Variants in VOPP1 observed in about 807,000 individuals in gnomAD.
VOPP1 encodes the protein WW domain binding protein VOPP1.
A neutral mutation model predicts 23.5 loss-of-function variants in VOPP1; 8 were observed. The ratio of observed to expected loss-of-function variants is 0.34; its 90% CI spans 0.20 to 0.61. The LOEUF (loss-of-function observed/expected upper bound fraction) is 0.61, where lower values mean the gene tolerates loss of function less well. Among genes scored for constraint, VOPP1 ranks in the 20% least tolerant of loss-of-function variants. The probability of loss-of-function intolerance (pLI) is 0.78; values close to 1 mark genes in which losing one functional copy is unlikely to be tolerated. For synonymous variants in VOPP1, 83 were observed against 97.3 expected (o/e 0.85, Z 0.86); for missense variants, 174 against 238.1 (o/e 0.73, Z 1.77).
At chr7:55,510,551 C>CT (rs1177395237) in intron 2 of VOPP1, among the ~76,000 whole-genome samples, 3 of 141,938 alleles carry the variant, frequency 2.1e-5, no homozygotes, top group Non-Finnish European at 4.6e-5. Context: ...ACATCCCAGA[C>CT]TTTATATAAG....
chr7:55,546,727 T>TACC (rs1305949223), intron 1 of VOPP1, among the ~76,000 whole-genome samples: 7 of 152,204 alleles, frequency 4.6e-5, no homozygotes, highest in African/African-American at 1.7e-4. Flanking sequence ...AAATAAGTGA[T>TACC]ACCACCACGA....
In VOPP1 at chr7:55,443,114, G is replaced by A. The variant is rs372213573; in HGVS notation, n.418-6940C>T. Among the ~76,000 whole-genome samples the A allele has an allele frequency of 2.1e-4, 32 of 151,806 alleles. No individual in the cohort carries two copies. The South Asian group carries it at 4.8e-3, about 23-fold the overall frequency. On this transcript the variant is annotated intron_variant and non_coding_transcript_variant, in intron 4 of 4. Coordinates refer to the VOPP1 transcript ENST00000462326. ...AGCCCGGGTGACAGAGCAAGACTCC[G>A]TCTCAAAAAAATAAAAATAAATAAA...
At position 55,472,996 on chromosome 7, in the gene VOPP1, C is replaced by A; in HGVS notation, c.378G>T (p.Gly126=). The change falls in exon 5 of 5, where the codon GGG becomes GGT. Residue 126 remains glycine (G), a synonymous_variant. Transcript: ENST00000285279. ...PPYYTDPGGP[G]MNPVGNSMAM... is the part of the protein sequence containing the mutation. ...CCATGGAATTCCCGACAGGGTTCATCCCCGGTCCTCCTGGGTCGGTGTAAT... is the reference window on the plus strand; with the variant it reads ...CCATGGAATTCCCGACAGGGTTCATACCCGGTCCTCCTGGGTCGGTGTAAT... 1 of 1,596,844 alleles carries A rather than the reference C, an allele frequency of 6.3e-7. No individual in the cohort carries two copies. The highest frequency in any genetic ancestry group is 2.3e-5 in the East Asian group (1 of 43,314).
intron 1 of VOPP1, chr7:55,538,635 T>A: frequency 6.5e-7 from 1 of 1,536,044 alleles, no homozygotes; most frequent in Non-Finnish European, 8.7e-7. Context: ...AGAAGACAGA[T>A]ACCCAAGAGT....
chr7:55,435,356 G>T (rs1005645310), downstream of VOPP1, among the ~76,000 whole-genome samples: 2 of 152,234 alleles, frequency 1.3e-5, no homozygotes, highest in East Asian at 1.9e-4. Flanking sequence ...GGAGCCGGGG[G>T]TGCTGTGGGA....
Position 55,472,933 on chromosome 7 carries a change from C to A in VOPP1, c.441G>T (p.Gly147=), listed in dbSNP as rs1187470631. The change falls in exon 5 of 5, where the codon GGG becomes GGT. Residue 147 remains glycine (G), a synonymous_variant. Transcript: ENST00000285279. Reference sequence around the variant, plus strand: ...CTGGAGGGGGCGGGCAGGCCACACTCCCCTGGGGTGAGTTGGGTGGGACCT... The same window carrying A: ...CTGGAGGGGGCGGGCAGGCCACACTACCCTGGGGTGAGTTGGGTGGGACCT... ...AFQVPPNSPQ[G]SVACPPPPAY... 2.5e-6 allele frequency: 4 copies of A among 1,578,458 alleles called. No homozygotes were observed. Among genetic ancestry groups the A allele is most frequent in the South Asian group, 1.2e-5 (1 of 85,964 alleles).
intron 4 of VOPP1, among the ~76,000 whole-genome samples, chr7:55,491,545 C>T (rs1054771823): frequency 5.9e-5 from 9 of 152,214 alleles, no homozygotes; most frequent in African/African-American, 2.2e-4. Flanking sequence ...TGAGCCGAGC[C>T]AGCCCAGCCC....
At chr7:55,515,455 C>T (rs902853449) in intron 2 of VOPP1, among the ~76,000 whole-genome samples, 2 of 152,180 alleles carry the variant, frequency 1.3e-5, no homozygotes, top group African/African-American at 2.4e-5. Flanking sequence ...ACAGAACCCC[C>T]GGTCTTCTCC....
chr7:55,443,585 G>A (rs1335048089), intron 4 of VOPP1, among the ~76,000 whole-genome samples: 5 of 147,652 alleles, frequency 3.4e-5, no homozygotes, highest in Middle Eastern at 3.3e-3. Context: ...CAAACAAACA[G>A]AAAACAGATA....
At chr7:55,506,818 T>C (rs1353180962) in intron 2 of VOPP1, among the ~76,000 whole-genome samples, 1 of 152,208 alleles carries the variant, frequency 6.6e-6, no homozygotes, top group African/African-American at 2.4e-5. Context: ...TTTGTATTTT[T>C]AGTAGAGACG....
intron 1 of VOPP1, among the ~76,000 whole-genome samples, chr7:55,550,646 C>G (rs182798983): frequency 3.3e-5 from 5 of 152,116 alleles, no homozygotes; most frequent in African/African-American, 1.2e-4. Context: ...CAGGGGCACT[C>G]GCGAGTCCAC....
chr7:55,477,576 G>A (rs1792364235), intron 4 of VOPP1, among the ~76,000 whole-genome samples: 1 of 152,208 alleles, frequency 6.6e-6, no homozygotes, highest in Admixed American at 6.5e-5. Flanking sequence ...TAGAAGAGAG[G>A]CAGCCAGGCT....
chr7:55,502,004 A>C (rs1197260013), intron 2 of VOPP1, among the ~76,000 whole-genome samples: 1 of 152,242 alleles, frequency 6.6e-6, no homozygotes, highest in Non-Finnish European at 1.5e-5. Flanking sequence ...CATGCACTTG[A>C]TATAAAAGAG....
chr7:55,537,575 C>A (rs1246738078), intron 1 of VOPP1: 2 of 1,535,916 alleles, frequency 1.3e-6, no homozygotes, highest in East Asian at 2.4e-5. Context: ...GCCAGCCAGT[C>A]GCCCACGGTC....
intron 4 of VOPP1, among the ~76,000 whole-genome samples, chr7:55,437,286 G>A (rs1387821335): frequency 6.6e-6 from 1 of 152,216 alleles, no homozygotes; most frequent in Non-Finnish European, 1.5e-5. Flanking sequence ...AGGGCTGGGA[G>A]CATCTGCAGT....
intron 4 of VOPP1, among the ~76,000 whole-genome samples, chr7:55,483,564 C>CTCGGGTTCCTTT (rs1448075325): frequency 2.0e-5 from 3 of 152,158 alleles, no homozygotes. Context: ...ACAGCTCTCT[C>CTCGGGTTCCTTT]TCGGGTTCCT....
intron 1 of VOPP1, chr7:55,537,808 T>G: frequency 2.1e-6 from 2 of 951,584 alleles, no homozygotes; most frequent in Non-Finnish European, 2.9e-6. Flanking sequence ...CAGCCCCCAC[T>G]TCCCCTCCAA....
chr7:55,541,543 T>C (rs1050277899), intron 1 of VOPP1, among the ~76,000 whole-genome samples: 1 of 152,180 alleles, frequency 6.6e-6, no homozygotes, highest in Non-Finnish European at 1.5e-5. Context: ...GCTTTGAAAA[T>C]CAGTCTAGCA....
At chr7:55,518,124 C>T (rs995313434) in intron 2 of VOPP1, among the ~76,000 whole-genome samples, 5 of 152,116 alleles carry the variant, frequency 3.3e-5, no homozygotes, top group Non-Finnish European at 5.9e-5. Context: ...CTGCACTGGC[C>T]GTGTGCAAGT....
Sources: allele counts gnomAD v4.1 joint callset (sites outside exome capture counted in the v4.1 genomes callset), GRCh38; gene constraint gnomAD v4.1.1; transcripts MANE v1.5; gene names NCBI Gene and HGNC (gene_info 2026-07-23, HGNC 2026-07-21).